Variants in TMED8 observed in about 807,000 individuals in gnomAD.
The protein encoded by TMED8 is protein TMED8.
A neutral mutation model predicts 32.7 loss-of-function variants in TMED8; 15 were observed. That is an observed-to-expected ratio of 0.46 (90% CI 0.31 to 0.71). The LOEUF is 0.71. Among genes scored for constraint, TMED8 ranks in the 30% least tolerant of loss-of-function variants. The pLI, the probability that TMED8 is intolerant of heterozygous loss-of-function variation, is 0.06. For synonymous variants in TMED8, 147 were observed against 161.4 expected (o/e 0.91, Z 0.68); for missense variants, 390 against 423.9 (o/e 0.92, Z 0.70).
chr14:77,342,976 A>G (rs2287398), intron 5 of TMED8, among the ~76,000 whole-genome samples: 109,811 of 152,042 alleles, frequency 0.72, 40,268 homozygotes, highest in African/African-American at 0.84. Flanking sequence ...ACCGATAAGG[A>G]AAAAGAGGCT....
chr14:77,377,066 C>A lies in TMED8; in HGVS notation c.-13G>T, dbSNP rs955673111. 5.2e-6 allele frequency: 7 copies of A among 1,345,540 alleles called. No homozygotes were observed. The East Asian group carries it at 2.1e-4, about 40-fold the overall frequency. 83.4% of individuals were successfully genotyped at this position (1,345,540 alleles called of 1,614,324 possible). ...GCAGGTCAGACATCTGCAGCCCGCGCACGGAGCTCTCCGCTGCCAGCCGCG... is the reference window on the plus strand; with the variant it reads ...GCAGGTCAGACATCTGCAGCCCGCGAACGGAGCTCTCCGCTGCCAGCCGCG... On this transcript the variant is annotated 5_prime_UTR_variant, in exon 1 of 6. Coordinates refer to ENST00000216468, the MANE Select transcript of TMED8 (RefSeq NM_213601.3).
intron 1 of TMED8, among the ~76,000 whole-genome samples, chr14:77,354,511 C>T (rs1319955247): frequency 6.6e-6 from 1 of 152,186 alleles, no homozygotes. Context: ...CCCTTCCAGA[C>T]TTTATTTCCT....
intron 1 of TMED8, among the ~76,000 whole-genome samples, chr14:77,362,823 A>T (rs1044524585): frequency 2.6e-5 from 4 of 152,258 alleles, no homozygotes; most frequent in Non-Finnish European, 5.9e-5. Flanking sequence ...AAGAAAGAGC[A>T]GAGGTGGCTG....
chr14:77,345,425 T>A (rs1037756658), intron 3 of TMED8, among the ~76,000 whole-genome samples: 1 of 152,108 alleles, frequency 6.6e-6, no homozygotes, highest in African/African-American at 2.4e-5. Flanking sequence ...CCTGGTGGTG[T>A]CTTCATTGAC....
At chr14:77,347,633 G>A (rs1180258137) in intron 2 of TMED8, among the ~76,000 whole-genome samples, 2 of 152,168 alleles carry the variant, frequency 1.3e-5, no homozygotes, top group African/African-American at 4.8e-5. Context: ...TTGAACTCCC[G>A]ACCTCAGGTG....
rs373215462 is a variant in TMED8, at chr14:77,341,940, C to A, written c.809G>T (p.Arg270Leu). 1.2e-6 allele frequency: 2 copies of A among 1,613,998 alleles called. No individual in the cohort carries two copies. Among genetic ancestry groups the A allele is most frequent in the South Asian group, 2.2e-5 (2 of 91,082 alleles). The part of the protein sequence containing the change: ...DVERGSRSSL[R>L]GRYGEVMPVY... ...AGGCATGACCTCCCCATAGCGACCCCGCAAGGAGCTCCTGGAGCCTCTCTC... is the reference window on the plus strand; with the variant it reads ...AGGCATGACCTCCCCATAGCGACCCAGCAAGGAGCTCCTGGAGCCTCTCTC... Residue 270 changes from arginine to leucine, a missense_variant, in exon 6 of 6, where the codon CGG becomes CTG. Arg to Leu is a moderately radical substitution (Grantham distance 102). Transcript: ENST00000216468.
In TMED8 at chr14:77,341,507, T is replaced by C. The variant is rs1033106693; in HGVS notation, c.*264A>G. On this transcript the variant is annotated 3_prime_UTR_variant, in exon 6 of 6. Coordinates refer to ENST00000216468, the MANE Select transcript of TMED8 (RefSeq NM_213601.3). ...TGCTTCCTTTTAGGCTTGTGCCCCA[T>C]AGGTGCCTTCAAGAGGGAATTTGCT... is the stretch of plus-strand genomic sequence containing the variant. The C allele has an allele frequency of 3.9e-6, 2 of 519,474 alleles. No individual in the cohort carries two copies. The highest frequency in any genetic ancestry group is 7.0e-6 in the Non-Finnish European group (2 of 287,344). The allele number at this position is 519,474 out of a possible 1,614,324, so 32.2% of individuals were successfully genotyped here. A position where few individuals can be genotyped will look rare whatever the true frequency, so the allele number is the denominator to read the frequency against.
chr14:77,372,574 C>T (rs1893697110), intron 1 of TMED8, among the ~76,000 whole-genome samples: 1 of 152,038 alleles, frequency 6.6e-6, no homozygotes, highest in Non-Finnish European at 1.5e-5. Context: ...ATCTAGTGAC[C>T]ATGTGATCCA....
At chr14:77,354,577 C>A (rs1427840295) in intron 1 of TMED8, among the ~76,000 whole-genome samples, 1 of 151,990 alleles carries the variant, frequency 6.6e-6, no homozygotes, top group African/African-American at 2.4e-5. Context: ...AAAAATAAAT[C>A]AGGAAATACA....
intron 3 of TMED8, among the ~76,000 whole-genome samples, chr14:77,344,820 C>A (rs764653866): frequency 1.2e-4 from 18 of 152,162 alleles, no homozygotes; most frequent in Non-Finnish European, 2.4e-4. Context: ...AGAATAAGCC[C>A]TCCAGTTCTC....
chr14:77,371,914 TC>T (rs1173884136), intron 1 of TMED8, among the ~76,000 whole-genome samples: 1 of 152,216 alleles, frequency 6.6e-6, no homozygotes, highest in Non-Finnish European at 1.5e-5. Context: ...AAATATGTAT[TC>T]TAGTATATAT....
chr14:77,372,395 G>T (rs1286131631), intron 1 of TMED8, among the ~76,000 whole-genome samples: 2 of 152,146 alleles, frequency 1.3e-5, no homozygotes, highest in Non-Finnish European at 2.9e-5. Context: ...TCAGGTCAGG[G>T]TTCTTTAGAA....
Position 77,343,480 on chromosome 14 carries a change from G to A in TMED8, c.458C>T (p.Ser153Phe), listed in dbSNP as rs566782219. The A allele has an allele frequency of 1.2e-5, 19 of 1,613,052 alleles. No individual in the cohort carries two copies. Among genetic ancestry groups the A allele is most frequent in the Non-Finnish European group, 1.6e-5 (19 of 1,179,628 alleles). ...ADLLGDHRKVSPPLMAPPCIW... is the reference protein window; with the variant it reads ...ADLLGDHRKVFPPLMAPPCIW... ...GCATGGAGGAGCCATCAGAGGTGGG[G>A]AGACTGAAAGGACAAGCAGCTTAGC... is the stretch of plus-strand genomic sequence containing the variant. Residue 153 changes from serine (S) to phenylalanine (F), a missense_variant, in exon 5 of 6, where the codon TCC (serine) becomes TTC (phenylalanine). Coordinates refer to ENST00000216468, the MANE Select transcript of TMED8 (RefSeq NM_213601.3).
At chr14:77,373,705 A>G (rs1363775721) in intron 1 of TMED8, among the ~76,000 whole-genome samples, 1 of 152,178 alleles carries the variant, frequency 6.6e-6, no homozygotes, top group Non-Finnish European at 1.5e-5. Context: ...TATGGCTTGG[A>G]TGTTTGTTCC....
intron 1 of TMED8, among the ~76,000 whole-genome samples, chr14:77,352,559 C>T (rs1005503815): frequency 3.3e-5 from 5 of 151,808 alleles, no homozygotes; most frequent in South Asian, 2.1e-4. Context: ...GCCAACATGG[C>T]GAAACCATGT....
chr14:77,349,171 C>G (rs1205551517), intron 2 of TMED8, among the ~76,000 whole-genome samples: 1 of 132,440 alleles, frequency 7.6e-6, no homozygotes, highest in East Asian at 2.3e-4. Context: ...GGTGTAGTGG[C>G]ATGATCTCGG....
At chr14:77,353,359 C>T (rs912145387) in intron 1 of TMED8, among the ~76,000 whole-genome samples, 3 of 151,940 alleles carry the variant, frequency 2.0e-5, no homozygotes, top group Admixed American at 6.6e-5. Flanking sequence ...GTGAAAATGA[C>T]AGGCAAAATT....
At chr14:77,370,824 C>T (rs1401367638) in intron 1 of TMED8, among the ~76,000 whole-genome samples, 1 of 151,660 alleles carries the variant, frequency 6.6e-6, no homozygotes, top group Non-Finnish European at 1.5e-5. Context: ...TGGTGCGTGC[C>T]TGTAATCCCA....
intron 1 of TMED8, among the ~76,000 whole-genome samples, chr14:77,372,441 T>A (rs553325398): frequency 6.6e-6 from 1 of 152,298 alleles, no homozygotes; most frequent in East Asian, 1.9e-4. Flanking sequence ...GTAAACAGGC[T>A]GCAAAGAGAT....
Sources: gnomAD v4.1 joint callset for allele counts (sites outside exome capture counted in the v4.1 genomes callset) on GRCh38, gnomAD v4.1.1 for gene constraint, MANE v1.5 for transcripts, NCBI Gene and HGNC (gene_info 2026-07-23, HGNC 2026-07-21) for gene names.